The following CDH18 variants were observed in gnomAD, a reference collection of about 807,000 sequenced individuals.
CDH18 encodes cadherin-18.
CDH18 carries 31 observed loss-of-function variants against 67.9 expected under a neutral mutation model. That is an observed-to-expected ratio of 0.46 (90% CI 0.34 to 0.62). The LOEUF is 0.62. Among genes scored for constraint, CDH18 ranks in the 20% least tolerant of loss-of-function variants. The pLI, the probability that CDH18 is intolerant of heterozygous loss-of-function variation, is 0.01. For missense variants in CDH18, 890 were observed against 975.5 expected (o/e 0.91, Z 1.17); for synonymous variants, 362 against 347.2 (o/e 1.04, Z -0.48).
At chr5:20,184,162 T>C (rs758865170) in intron 2 of CDH18, among the ~76,000 whole-genome samples, 5 of 152,046 alleles carry the variant, frequency 3.3e-5, no homozygotes, top group South Asian at 2.1e-4. Flanking sequence ...TCTTCAAAAA[T>C]CATATGAACA....
intron 1 of CDH18, among the ~76,000 whole-genome samples, chr5:20,296,034 GCTA>G (rs1747480823): frequency 6.6e-6 from 1 of 150,716 alleles, no homozygotes. Context: ...ACCATGCCTG[GCTA>G]ATTATTTTTT....
At chr5:20,176,745 G>T (rs1737265006) in intron 2 of CDH18, among the ~76,000 whole-genome samples, 1 of 152,012 alleles carries the variant, frequency 6.6e-6, no homozygotes, top group African/African-American at 2.4e-5. Flanking sequence ...TTGTCTTCTT[G>T]CTCCATGTGG....
chr5:19,813,235 T>G (rs772199638), intron 3 of CDH18, among the ~76,000 whole-genome samples: 4 of 151,866 alleles, frequency 2.6e-5, no homozygotes, highest in Non-Finnish European at 5.9e-5. Flanking sequence ...CATGTGTATA[T>G]TTACGTAACA....
At chr5:19,722,990 G>A (rs965426056) in intron 4 of CDH18, among the ~76,000 whole-genome samples, 1 of 152,136 alleles carries the variant, frequency 6.6e-6, no homozygotes, top group Admixed American at 6.5e-5. Flanking sequence ...CAGCACTTTG[G>A]GAGGCTGAGG....
At chr5:20,416,858 C>T (rs1747355087) in intron 1 of CDH18, among the ~76,000 whole-genome samples, 1 of 151,768 alleles carries the variant, frequency 6.6e-6, no homozygotes, top group African/African-American at 2.4e-5. Flanking sequence ...ATTCCAGGAT[C>T]AGTAAAAAGA....
intron 2 of CDH18, among the ~76,000 whole-genome samples, chr5:19,943,334 A>G (rs1795002561): frequency 6.6e-6 from 1 of 152,086 alleles, no homozygotes; most frequent in African/African-American, 2.4e-5. Context: ...CACCATATCT[A>G]TCTAAGTAAT....
intron 2 of CDH18, among the ~76,000 whole-genome samples, chr5:20,098,897 C>A (rs954494007): frequency 1.3e-5 from 2 of 152,124 alleles, no homozygotes; most frequent in Non-Finnish European, 2.9e-5. Context: ...AGTTAGTCAG[C>A]ATTATTTTAA....
chr5:20,384,337 A>G (rs1744142173), intron 1 of CDH18, among the ~76,000 whole-genome samples: 1 of 152,208 alleles, frequency 6.6e-6, no homozygotes, highest in African/African-American at 2.4e-5. Flanking sequence ...AAGTGAGATC[A>G]TGCAGTGTTT....
At chr5:19,757,872 AT>A (rs1771814135) in intron 3 of CDH18, among the ~76,000 whole-genome samples, 1 of 152,166 alleles carries the variant, frequency 6.6e-6, no homozygotes, top group South Asian at 2.1e-4. Flanking sequence ...CATTGGGAAG[AT>A]TTCCCTTCAC....
rs760777430 is a variant in CDH18 at position 19,994,855 on chromosome 5, T to TATAGAGAGAGAGAGAG, written c.-517-2842_-517-2841insCTCTCTCTCTCTCTAT. ...ATATATATATATATATATATATATA[T>TATAGAGAGAGAGAGAG]AGAGAGAGAGAGAGAGAGAGAGATG... On this transcript the variant is annotated intron_variant, in intron 2 of 14. Coordinates refer to the CDH18 transcript ENST00000507958. Among the ~76,000 whole-genome samples the TATAGAGAGAGAGAGAG allele has an allele frequency of 8.9e-4, 60 of 67,582 alleles. 10 individuals carry two copies. The highest frequency in any genetic ancestry group is 4.1e-3 in the African/African-American group (56 of 13,596). The allele number at this position is 67,582 out of a possible 152,430, so 44.3% of individuals were successfully genotyped here.
intron 5 of CDH18, among the ~76,000 whole-genome samples, chr5:19,650,376 C>T (rs991580068): frequency 6.6e-6 from 1 of 151,998 alleles, no homozygotes; most frequent in African/African-American, 2.4e-5. Context: ...CTTTTGTTAA[C>T]TAATAATTTT....
chr5:19,843,812 G>A lies in CDH18; in HGVS notation c.-256-4570C>T, dbSNP rs1040565107. Among the ~76,000 whole-genome samples, 13 of 152,224 alleles carry A rather than the reference G, an allele frequency of 8.5e-5. No homozygotes were observed. In the East Asian group the frequency reaches 2.5e-3, roughly 29 times the overall value. On this transcript the variant is annotated intron_variant, in intron 2 of 12. Coordinates refer to ENST00000382275, the MANE Select transcript of CDH18 (RefSeq NM_004934.5). ...CTTTGCATCTGTGTGCCCTGCATGT[G>A]AGACATGGAGTAAAAGGAAATTATT...
chr5:19,695,305 A>C (rs776401036), intron 5 of CDH18, among the ~76,000 whole-genome samples: 2 of 152,170 alleles, frequency 1.3e-5, no homozygotes, highest in African/African-American at 4.8e-5. Context: ...AAGGTCATAA[A>C]TTGTGGTTAT....
At chr5:20,524,417 T>C (rs1183219013) in intron 1 of CDH18, among the ~76,000 whole-genome samples, 1 of 152,234 alleles carries the variant, frequency 6.6e-6, no homozygotes, top group East Asian at 1.9e-4. Flanking sequence ...ATGGACATTA[T>C]GGAGACCAAA....
At chr5:19,886,758 TGTCTACACGTGTCC>T in intron 2 of CDH18, among the ~76,000 whole-genome samples, 1 of 152,292 alleles carries the variant, frequency 6.6e-6, no homozygotes, top group East Asian at 1.9e-4. Context: ...AGTATCCAGA[TGTCTACACGTGTCC>T]CCTTTGTTCA....
chr5:19,602,964 T>C (rs1747389359), intron 6 of CDH18, among the ~76,000 whole-genome samples: 1 of 65,188 alleles, frequency 1.5e-5, no homozygotes, highest in Admixed American at 1.6e-4. Context: ...AAACTCCATC[T>C]CAAAAAAAAA....
At chr5:20,270,755 T>C (rs752102207) in intron 1 of CDH18, among the ~76,000 whole-genome samples, 1 of 152,122 alleles carries the variant, frequency 6.6e-6, no homozygotes, top group Non-Finnish European at 1.5e-5. Flanking sequence ...AGTGGTAGAC[T>C]GGATAAAGAA....
At chr5:20,288,717 G>A (rs895005848) in intron 1 of CDH18, among the ~76,000 whole-genome samples, 1 of 151,734 alleles carries the variant, frequency 6.6e-6, no homozygotes, top group Non-Finnish European at 1.5e-5. Flanking sequence ...GCTTTATTCA[G>A]AGCCACAAGA....
chr5:20,206,220 A>C (rs1739876178), intron 2 of CDH18, among the ~76,000 whole-genome samples: 1 of 151,910 alleles, frequency 6.6e-6, no homozygotes, highest in Non-Finnish European at 1.5e-5. Context: ...ATATGCCAAC[A>C]AATTGGAAAA....
Sources: gnomAD v4.1 joint callset for allele counts (sites outside exome capture counted in the v4.1 genomes callset) on GRCh38, gnomAD v4.1.1 for gene constraint, MANE v1.5 for transcripts, NCBI Gene and HGNC (gene_info 2026-07-23, HGNC 2026-07-21) for gene names.